ANKRD44: variants seen among roughly 807,000 people sequenced by gnomAD.
ANKRD44 encodes serine/threonine-protein phosphatase 6 regulatory ankyrin repeat subunit B.
A neutral mutation model predicts 116.0 loss-of-function variants in ANKRD44; 35 were observed. That is an observed-to-expected ratio of 0.30 (90% CI 0.23 to 0.40). ANKRD44 has a LOEUF of 0.40. ANKRD44 is among the 10% of genes least tolerant of loss of function. The pLI is 1.00. For synonymous variants in ANKRD44, 435 were observed against 461.8 expected, an observed-to-expected ratio of 0.94 and a Z score of 0.74; for missense variants, 1,014 against 1,242.6, an observed-to-expected ratio of 0.82 and a Z score of 2.77.
intron 18 of ANKRD44, among the ~76,000 whole-genome samples, 195 bp downstream of exon 18, chr2:197,013,316 C>T (rs1285140218): frequency 2.0e-5 from 3 of 152,176 alleles, no homozygotes; most frequent in African/African-American, 7.2e-5. Flanking sequence ...AAGGCCAGAG[C>T]ACCTGGCCAG....
At chr2:197,022,272 A>C (rs2076511820) in intron 17 of ANKRD44, among the ~76,000 whole-genome samples, 1 of 152,186 alleles carries the variant, frequency 6.6e-6, no homozygotes, top group Non-Finnish European at 1.5e-5. Context: ...TTTAGAAGGA[A>C]TCCACCGTAA....
rs184298444 is a variant in ANKRD44, at chr2:197,241,113, C to G, written c.28-54007G>C. On this transcript the variant is annotated intron_variant, in intron 1 of 27. Coordinates refer to ENST00000282272, the MANE Select transcript of ANKRD44 (RefSeq NM_001195144.2). ...TTGGCTCTGCATCCTCTTTCTGAGG[C>G]CTACCAAGAGATCGGCCCTGAAAAA... 1.1e-4 allele frequency among the ~76,000 whole-genome samples: 17 copies of G among 152,178 alleles called. No homozygotes were observed. In the East Asian group the frequency reaches 3.1e-3, roughly 28 times the overall value.
At position 197,154,169 on chromosome 2, in the gene ANKRD44, GCTTT is replaced by G. The variant is rs1170198088; in HGVS notation, c.112-7068_112-7065del. Among the ~76,000 whole-genome samples the G allele has an allele frequency of 8.0e-4, 118 of 148,278 alleles. 1 individual carries two copies. The highest frequency in any genetic ancestry group is 2.8e-3 in the African/African-American group (111 of 40,174). On this transcript the variant is annotated intron_variant, in intron 2 of 27. Coordinates refer to ENST00000282272, the MANE Select transcript of ANKRD44 (RefSeq NM_001195144.2). ...TCCTCGCCAATATCTGATGCTATCG[GCTTT>G]CTTTTTTTTTTTTTTTTTTTTTTTG...
At chr2:197,258,115 A>C (rs539080329) in intron 1 of ANKRD44, among the ~76,000 whole-genome samples, 1 of 149,780 alleles carries the variant, frequency 6.7e-6, no homozygotes, top group East Asian at 2.0e-4. Flanking sequence ...TCATTTATTT[A>C]TTTTTGAGAT....
Position 197,122,638 on chromosome 2 carries a change from A to G in ANKRD44, c.693+12T>C, listed in dbSNP as rs554690283. 21 of 1,612,590 alleles carry G rather than the reference A, an allele frequency of 1.3e-5. No homozygotes were observed. The highest frequency in any genetic ancestry group is 3.4e-5 in the Admixed American group (2 of 59,620). ...ACACTGGCCATGCATTGATGCATTC[A>G]TCATAGCTCACCTCCACCCCCAGGT... On this transcript the variant is annotated intron_variant, in intron 7 of 27. Coordinates refer to ENST00000282272, the MANE Select transcript of ANKRD44 (RefSeq NM_001195144.2).
At chr2:197,304,563 G>A in intron 1 of ANKRD44, among the ~76,000 whole-genome samples, 1 of 152,112 alleles carries the variant, frequency 6.6e-6, no homozygotes, top group East Asian at 1.9e-4. Flanking sequence ...CTCCATTACA[G>A]GCACCAAGTC....
chr2:197,239,650 T>G (rs1378650107), intron 1 of ANKRD44, among the ~76,000 whole-genome samples: 2 of 152,392 alleles, frequency 1.3e-5, no homozygotes, highest in Admixed American at 6.5e-5. Flanking sequence ...CAACTGTCAC[T>G]GAGTTCTGCA....
chr2:197,288,033 A>AAG (rs1205047722), intron 1 of ANKRD44, among the ~76,000 whole-genome samples: 3 of 151,110 alleles, frequency 2.0e-5, no homozygotes, highest in Non-Finnish European at 3.0e-5. Context: ...AAAAAAAAAA[A>AAG]AAAGAAAAAG....
At chr2:197,217,983 G>A (rs6715021) in intron 1 of ANKRD44, among the ~76,000 whole-genome samples, 31,017 of 152,062 alleles carry the variant, frequency 0.2, 3,332 homozygotes, top group Middle Eastern at 0.31. Flanking sequence ...TTGATGGATA[G>A]AATAAGATGG....
At chr2:197,072,545 C>T (rs1166018179) in intron 16 of ANKRD44, among the ~76,000 whole-genome samples, 2 of 152,192 alleles carry the variant, frequency 1.3e-5, no homozygotes, top group Non-Finnish European at 2.9e-5. Context: ...ACAAACAGGA[C>T]AGTTGCTATA....
chr2:197,270,991 G>A (rs2082882910), intron 1 of ANKRD44, among the ~76,000 whole-genome samples: 1 of 152,170 alleles, frequency 6.6e-6, no homozygotes, highest in Admixed American at 6.5e-5. Flanking sequence ...GGCTCCATGA[G>A]CAAGCAGACC....
chr2:197,079,171 CA>C (rs2077738811), intron 15 of ANKRD44, among the ~76,000 whole-genome samples: 1 of 151,832 alleles, frequency 6.6e-6, no homozygotes, highest in South Asian at 2.1e-4. Flanking sequence ...AACAAAGTCT[CA>C]ATAAAGAAGT....
intron 1 of ANKRD44, among the ~76,000 whole-genome samples, chr2:197,195,512 G>A (rs2080927490): frequency 6.6e-6 from 1 of 152,086 alleles, no homozygotes; most frequent in Non-Finnish European, 1.5e-5. Context: ...GGGATACGGT[G>A]AAAACAACAG....
intron 21 of ANKRD44, among the ~76,000 whole-genome samples, chr2:196,976,829 C>T (rs1289616274): frequency 6.6e-6 from 1 of 151,558 alleles, no homozygotes; most frequent in African/African-American, 2.4e-5. Context: ...GATCATGCCA[C>T]TGCACTCCAG....
chr2:197,162,842 C>A (rs905933730), intron 2 of ANKRD44, among the ~76,000 whole-genome samples: 1 of 152,210 alleles, frequency 6.6e-6, no homozygotes, highest in Non-Finnish European at 1.5e-5. Flanking sequence ...ATCTGGCATA[C>A]AGTCAGTGCT....
chr2:196,981,456 C>T lies in ANKRD44; in HGVS notation c.2368+12127G>A, dbSNP rs539531579. Reference sequence around the variant, plus strand: ...AATCTTGAGTGTACTAAATCCTACTCAGTAACCCTCCTCTGTTACTCTAAA... The same window carrying T: ...AATCTTGAGTGTACTAAATCCTACTTAGTAACCCTCCTCTGTTACTCTAAA... On this transcript the variant is annotated intron_variant, in intron 21 of 21. Coordinates refer to the ANKRD44 transcript ENST00000424317. Among the ~76,000 whole-genome samples, 3 of 152,304 alleles carry T rather than the reference C, an allele frequency of 2.0e-5. No homozygotes were observed. In the South Asian group the frequency reaches 6.2e-4, roughly 32 times the overall value.
At chr2:196,982,108 T>TTTTATA (rs150861089), downstream of ANKRD44, among the ~76,000 whole-genome samples, 58 of 96,546 alleles carry the variant, frequency 6.0e-4, 4 homozygotes, top group Middle Eastern at 6.0e-3. Flanking sequence ...CTAAAAAAAA[T>TTTTATA]TATATATATA....
chr2:197,056,148 T>C (rs1008805517), intron 16 of ANKRD44, among the ~76,000 whole-genome samples: 2 of 152,190 alleles, frequency 1.3e-5, no homozygotes, highest in African/African-American at 2.4e-5. Flanking sequence ...GCTGGGACAT[T>C]ACTATAGTTT....
At chr2:197,076,936 T>C (rs935169970) in intron 16 of ANKRD44, among the ~76,000 whole-genome samples, 1 of 152,236 alleles carries the variant, frequency 6.6e-6, no homozygotes, top group Non-Finnish European at 1.5e-5. Flanking sequence ...TCCATGTCTT[T>C]GCTATTGTAA....
Sources: gnomAD v4.1 joint callset for allele counts (sites outside exome capture counted in the v4.1 genomes callset) on GRCh38, gnomAD v4.1.1 for gene constraint, MANE v1.5 for transcripts, NCBI Gene and HGNC (gene_info 2026-07-23, HGNC 2026-07-21) for gene names.